Variants in ENTPD1 observed in about 807,000 individuals in gnomAD.
ENTPD1 encodes the protein ectonucleoside triphosphate diphosphohydrolase 1.
ENTPD1 carries 33 observed loss-of-function variants against 57.0 expected under a neutral mutation model. The observed-to-expected ratio is 0.58, with a 90% CI of 0.44 to 0.77. ENTPD1 has a LOEUF of 0.77. Ranked by LOEUF, ENTPD1 falls within the 30% of genes least tolerant of loss-of-function variation. The probability of loss-of-function intolerance (pLI) is 0.00; values close to 1 mark genes in which losing one functional copy is unlikely to be tolerated. For missense variants in ENTPD1, 501 were observed against 603.4 expected (o/e 0.83, Z 1.78); for synonymous variants, 202 against 218.8 (o/e 0.92, Z 0.68).
At position 95,847,654 on chromosome 10, in the gene ENTPD1, C is replaced by T; in HGVS notation, c.1022C>T (p.Ser341Phe). 1 of 1,614,204 alleles carries T rather than the reference C, an allele frequency of 6.2e-7. No individual in the cohort carries two copies. Among genetic ancestry groups the T allele is most frequent in the East Asian group, 2.2e-5 (1 of 44,886 alleles). ...TTCAACACCAGTTACTGCCCTTACT[C>T]CCAGTGTGCCTTCAATGGGATTTTC... is the stretch of plus-strand genomic sequence containing the variant. Reference protein sequence around the residue: ...ELFNTSYCPYSQCAFNGIFLP... With the variant: ...ELFNTSYCPYFQCAFNGIFLP... The change falls in exon 7 of 10, where the codon TCC becomes TTC. Residue 341 changes from serine (S) to phenylalanine (F), a missense_variant. Physicochemically the swap from Ser to Phe is radical, Grantham distance 155 (BLOSUM62 -2). Transcript: ENST00000371205.
At chr10:95,810,781 T>C (rs145983566) in intron 1 of ENTPD1, among the ~76,000 whole-genome samples, 203 of 152,318 alleles carry the variant, frequency 1.3e-3, no homozygotes, top group African/African-American at 4.8e-3. Flanking sequence ...CTAGTTTTGC[T>C]CTCAGAGGAA....
At position 95,873,171 on chromosome 10, in the gene ENTPD1, G is replaced by GT. The variant is rs2098482328; in HGVS notation, c.*6789dup. 1.0e-6 allele frequency: 1 copy of GT among 985,184 alleles called. No homozygotes were observed. The highest frequency in any genetic ancestry group is 1.7e-5 in the African/African-American group (1 of 57,218). The allele number at this position is 985,184 out of a possible 1,614,324, so 61.0% of individuals were successfully genotyped here. Reference sequence around the variant, plus strand: ...CATCTGTCCAGGAATCACACTTTGCGTATCAAAGGTCTAGATGACATTATC... The same window carrying GT: ...CATCTGTCCAGGAATCACACTTTGCGTTATCAAAGGTCTAGATGACATTATC... On this transcript the variant is annotated 3_prime_UTR_variant, in exon 10 of 10. Transcript: ENST00000371205.
intron 1 of ENTPD1, among the ~76,000 whole-genome samples, chr10:95,718,551 G>A (rs760191528): frequency 2.4e-4 from 36 of 152,032 alleles, no homozygotes; most frequent in Admixed American, 8.5e-4. Context: ...GTGTTCCCTC[G>A]GAAGTTAGGA....
chr10:95,699,953 G>C, the ENTPD1 span, among the ~76,000 whole-genome samples: 3 of 152,152 alleles, frequency 2.0e-5, no homozygotes, highest in Non-Finnish European at 2.9e-5. Flanking sequence ...GCAAGTAAGA[G>C]AGAAGATAAA....
chr10:95,778,157 G>C (rs1188267759), intron 1 of ENTPD1, among the ~76,000 whole-genome samples: 1 of 152,180 alleles, frequency 6.6e-6, no homozygotes, highest in African/African-American at 2.4e-5. Context: ...TGCACCCACT[G>C]TCCAACCAGT....
In ENTPD1 at chr10:95,842,462, C is replaced by T; in HGVS notation, c.381C>T (p.Tyr127=). ...PRSQHQETPV[Y]LGATAGMRLL... is the part of the protein sequence containing the mutation. ...CCCAGCACCAAGAGACACCCGTTTA[C>T]CTGGGAGCCACGGCAGGCATGCGGT... The change falls in exon 4 of 10, where the codon TAC becomes TAT. Residue 127 remains tyrosine, a synonymous_variant. Transcript: ENST00000371205. 5 of 1,614,056 alleles carry T rather than the reference C, an allele frequency of 3.1e-6. No homozygotes were observed. In the South Asian group the frequency reaches 5.5e-5, roughly 18 times the overall value.
intron 1 of ENTPD1, among the ~76,000 whole-genome samples, chr10:95,794,953 C>G (rs2098220121): frequency 6.6e-6 from 1 of 152,164 alleles, no homozygotes; most frequent in South Asian, 2.1e-4. Context: ...ACATACAGGA[C>G]ATACGGGCTA....
At chr10:95,840,506 T>C (rs1437359104) in intron 3 of ENTPD1, among the ~76,000 whole-genome samples, 1 of 152,186 alleles carries the variant, frequency 6.6e-6, no homozygotes, top group African/African-American at 2.4e-5. Flanking sequence ...GACCAAATTA[T>C]AGGCTCTTAG....
rs1366727845 is a variant in ENTPD1, at chr10:95,876,866, AAAG to A, written c.*10489_*10491del. Among the ~76,000 whole-genome samples the A allele has an allele frequency of 6.6e-6, 1 of 152,250 alleles. No homozygotes were observed. The highest frequency in any genetic ancestry group is 1.9e-4 in the East Asian group (1 of 5,202). ...TCATGAAGAGCACTGCGCTATAATA[AAAG>A]AAGAAATGAGCACATACATTCTTTT... On this transcript the variant is annotated 3_prime_UTR_variant, in exon 10 of 10. Transcript: ENST00000371205.
chr10:95,842,311 T>A lies in ENTPD1; in HGVS notation c.263-33T>A, dbSNP rs548697870. Reference sequence around the variant, plus strand: ...CAAGGTATGTTTTATAATTTTTTTTTAAAAGATTGTTATCTTCTACATTTT... The same window carrying A: ...CAAGGTATGTTTTATAATTTTTTTTAAAAAGATTGTTATCTTCTACATTTT... On this transcript the variant is annotated intron_variant, in intron 3 of 9. Transcript: ENST00000371205. 807 of 1,586,952 alleles carry A rather than the reference T, an allele frequency of 5.1e-4. 4 individuals carry two copies. The highest frequency in any genetic ancestry group is 4.3e-3 in the South Asian group (381 of 89,614).
At position 95,868,949 on chromosome 10, in the gene ENTPD1, C is replaced by G; in HGVS notation, c.*2566C>G. The G allele has an allele frequency of 1.0e-6, 1 of 985,330 alleles. No homozygotes were observed. The highest frequency in any genetic ancestry group is 1.7e-5 in the African/African-American group (1 of 57,340). The allele number at this position is 985,330 out of a possible 1,614,324, so 61.0% of individuals were successfully genotyped here. A position where few individuals can be genotyped will look rare whatever the true frequency, so the allele number is the denominator to read the frequency against. ...GAGACAATCAGCAGACACAACCTAA[C>G]CCCAATTATTTTGGCAGGAAGGTTG... On this transcript the variant is annotated 3_prime_UTR_variant, in exon 10 of 10. Coordinates refer to ENST00000371205, the MANE Select transcript of ENTPD1 (RefSeq NM_001776.6).
At chr10:95,780,738 G>A (rs1180191965) in intron 1 of ENTPD1, among the ~76,000 whole-genome samples, 5 of 152,162 alleles carry the variant, frequency 3.3e-5, no homozygotes, top group African/African-American at 1.2e-4. Flanking sequence ...CCTAGGTGTG[G>A]GGTCCAGCTG....
intron 8 of ENTPD1, 65 bp from the exon 9 acceptor site, chr10:95,864,659 G>C: frequency 6.2e-7 from 1 of 1,607,264 alleles, no homozygotes; most frequent in East Asian, 2.2e-5. Context: ...GGCTAGTAGA[G>C]AAAAAGAGGG....
At chr10:95,792,906 C>T (rs1049088705) in intron 1 of ENTPD1, among the ~76,000 whole-genome samples, 2 of 152,190 alleles carry the variant, frequency 1.3e-5, no homozygotes. Context: ...ACTGCAAAAG[C>T]TGAAATGTCA....
rs147089724 is a variant in ENTPD1 at position 95,830,490 on chromosome 10, C to T, written c.144+7126C>T. ...TCAATTAAATCATCTTTGGAGGTTACAGTTAAATAAAAATGGTTCAAAATA... is the reference window on the plus strand; with the variant it reads ...TCAATTAAATCATCTTTGGAGGTTATAGTTAAATAAAAATGGTTCAAAATA... On this transcript the variant is annotated intron_variant, in intron 2 of 9. Transcript: ENST00000371205. 5.3e-5 allele frequency among the ~76,000 whole-genome samples: 8 copies of T among 152,154 alleles called. No individual in the cohort carries two copies. In the East Asian group the frequency reaches 1.5e-3, roughly 29 times the overall value.
At position 95,719,143 on chromosome 10, in the gene ENTPD1, C is replaced by T. The variant is rs150138625; in HGVS notation, c.37+7150C>T. ...TGCTACTGCCACCACTACCCGTAAA[C>T]AATGAGGCCAACCTTTTGCCACTAC... On this transcript the variant is annotated intron_variant, in intron 1 of 9. Transcript: ENST00000453258. 7.7e-3 allele frequency among the ~76,000 whole-genome samples: 1,173 copies of T among 152,330 alleles called. 15 individuals carry two copies. The highest frequency in any genetic ancestry group is 0.027 in the African/African-American group (1,107 of 41,568).
chr10:95,804,293 G>C (rs2098263139), intron 1 of ENTPD1, among the ~76,000 whole-genome samples: 1 of 151,162 alleles, frequency 6.6e-6, no homozygotes, highest in Non-Finnish European at 1.5e-5. Context: ...ATTACCTTGG[G>C]CAGCATTGAT....
intron 1 of ENTPD1, among the ~76,000 whole-genome samples, chr10:95,802,884 G>C (rs1279684401): frequency 6.6e-6 from 1 of 152,118 alleles, no homozygotes; most frequent in African/African-American, 2.4e-5. Context: ...CCAAGTCTTT[G>C]CTATTGTGAA....
At chr10:95,695,455 G>A in the ENTPD1 span, among the ~76,000 whole-genome samples, 1 of 152,186 alleles carries the variant, frequency 6.6e-6, no homozygotes, top group Non-Finnish European at 1.5e-5. Context: ...CTTTACAAGT[G>A]AATCATTTAA....
Sources: gnomAD v4.1 joint callset for allele counts (sites outside exome capture counted in the v4.1 genomes callset) on GRCh38, gnomAD v4.1.1 for gene constraint, MANE v1.5 for transcripts, NCBI Gene and HGNC (gene_info 2026-07-23, HGNC 2026-07-21) for gene names.